Variants in FLNB observed in about 807,000 individuals in gnomAD.
The protein encoded by FLNB is filamin B, also known as filamin-B.
Under a neutral mutation model 250.6 loss-of-function variants are expected in FLNB, and 111 were observed. The observed-to-expected ratio is 0.44, with a 90% CI of 0.38 to 0.52. The LOEUF (loss-of-function observed/expected upper bound fraction) is 0.52, where lower values mean the gene tolerates loss of function less well. Ranked by LOEUF, FLNB falls within the 20% of genes least tolerant of loss-of-function variation. FLNB has a pLI of 0.00. For synonymous variants in FLNB, 1,302 were observed against 1,372.1 expected, an observed-to-expected ratio of 0.95 and a Z score of 1.13; for missense variants, 2,869 against 3,447.8, an observed-to-expected ratio of 0.83 and a Z score of 4.20.
At chr3:58,078,298 T>C (rs1486498692) in intron 2 of FLNB, 1 of 1,432,822 alleles carries the variant, frequency 7.0e-7, no homozygotes, top group African/African-American at 1.4e-5. Flanking sequence ...GCTTTTAAGA[T>C]AATTCTAGGT....
intron 8 of FLNB, 125 bp from the exon 9 acceptor site, chr3:58,102,078 G>A: frequency 1.9e-6 from 2 of 1,040,822 alleles, no homozygotes; most frequent in Non-Finnish European, 2.9e-6. Flanking sequence ...CTGGTCTTGG[G>A]CAACTACTGC....
chr3:58,088,258 G>T (rs1337740095), intron 4 of FLNB, among the ~76,000 whole-genome samples: 1 of 151,992 alleles, frequency 6.6e-6, no homozygotes, highest in Admixed American at 6.6e-5. Context: ...ATGTTGGCCA[G>T]GCTGGTCTCG....
intron 1 of FLNB, among the ~76,000 whole-genome samples, chr3:58,051,950 G>A (rs780974923): frequency 1.3e-5 from 2 of 152,064 alleles, no homozygotes; most frequent in Non-Finnish European, 2.9e-5. Flanking sequence ...GTAATGGCAC[G>A]ATCTCGGCTC....
chr3:58,134,551 G>C, intron 26 of FLNB, 65 bp from the exon 27 acceptor site: 2 of 1,590,500 alleles, frequency 1.3e-6, no homozygotes, highest in Non-Finnish European at 1.7e-6. Context: ...TGTAAGAAAA[G>C]TCAGATGCAG....
At chr3:58,062,822 G>T (rs542242776) in intron 1 of FLNB, among the ~76,000 whole-genome samples, 1 of 152,192 alleles carries the variant, frequency 6.6e-6, no homozygotes, top group African/African-American at 2.4e-5. Flanking sequence ...AGGGCATTCG[G>T]CTCTGAGCAG....
intron 36 of FLNB, 106 bp from the exon 37 acceptor site, chr3:58,149,744 G>T: frequency 7.0e-7 from 1 of 1,438,148 alleles, no homozygotes; most frequent in Non-Finnish European, 9.7e-7. Context: ...TTTCTGCTAT[G>T]TAGAAATAGA....
intron 1 of FLNB, among the ~76,000 whole-genome samples, chr3:58,016,912 T>G (rs1214600928): frequency 1.3e-5 from 2 of 152,240 alleles, no homozygotes; most frequent in Admixed American, 6.5e-5. Flanking sequence ...CTAGAAGCCA[T>G]CTTACATTAC....
At chr3:58,063,338 G>A (rs1241046074) in intron 1 of FLNB, among the ~76,000 whole-genome samples, 1 of 152,210 alleles carries the variant, frequency 6.6e-6, no homozygotes, top group African/African-American at 2.4e-5. Flanking sequence ...CCCGTAAGAA[G>A]GAGGTCGGTC....
At chr3:58,135,220 A>C (rs1403505921) in intron 27 of FLNB, among the ~76,000 whole-genome samples, 1 of 152,206 alleles carries the variant, frequency 6.6e-6, no homozygotes. Context: ...GTTATGCTGC[A>C]TATCACAGTA....
chr3:58,071,274 CTTTT>C (rs57488190), intron 1 of FLNB, among the ~76,000 whole-genome samples: 15 of 81,618 alleles, frequency 1.8e-4, no homozygotes, highest in African/African-American at 8.3e-4. Context: ...CTCCTCGATT[CTTTT>C]TTTTTTTTTT....
intron 1 of FLNB, among the ~76,000 whole-genome samples, chr3:58,042,571 G>A (rs1016355681): frequency 6.6e-6 from 1 of 152,004 alleles, no homozygotes; most frequent in Non-Finnish European, 1.5e-5. Flanking sequence ...CCAGAATGCA[G>A]TAGCACGATC....
chr3:58,040,999 G>A (rs1287578609), intron 1 of FLNB, among the ~76,000 whole-genome samples: 1 of 152,146 alleles, frequency 6.6e-6, no homozygotes, highest in Non-Finnish European at 1.5e-5. Flanking sequence ...GTGAGTGAGT[G>A]CTTACTGTGT....
chr3:58,136,311 CT>C, intron 28 of FLNB, 143 bp downstream of exon 28: 1 of 775,530 alleles, frequency 1.3e-6, no homozygotes, highest in Non-Finnish European at 2.2e-6. Context: ...TAGATTGAAG[CT>C]CTTTGTTTTT....
At chr3:58,141,396 C>T (rs752382810) in intron 29 of FLNB, among the ~76,000 whole-genome samples, 4 of 152,174 alleles carry the variant, frequency 2.6e-5, no homozygotes, top group Non-Finnish European at 4.4e-5. Flanking sequence ...GGGGTCACAC[C>T]GTACATACTG....
chr3:58,056,155 G>A (rs920903801), intron 1 of FLNB, among the ~76,000 whole-genome samples: 1 of 149,278 alleles, frequency 6.7e-6, no homozygotes, highest in African/African-American at 2.5e-5. Flanking sequence ...AGGCTGAAGT[G>A]CAGTGGCATG....
intron 39 of FLNB, among the ~76,000 whole-genome samples, chr3:58,154,042 G>C (rs2097349501): frequency 1.3e-5 from 2 of 152,070 alleles, no homozygotes; most frequent in African/African-American, 2.4e-5. Flanking sequence ...GGAAAAAATG[G>C]AACATTCTCA....
intron 1 of FLNB, among the ~76,000 whole-genome samples, chr3:58,076,024 A>G (rs9881512): frequency 0.26 from 39,186 of 152,046 alleles, 5,987 homozygotes; most frequent in Middle Eastern, 0.4. Flanking sequence ...TTAAGCAAGG[A>G]AAGGACTAGA....
intron 8 of FLNB, among the ~76,000 whole-genome samples, chr3:58,101,943 G>A (rs969185291): frequency 2.6e-5 from 4 of 152,210 alleles, no homozygotes; most frequent in African/African-American, 9.7e-5. Context: ...AGCACAGCAT[G>A]GATTTGCTGT....
chr3:58,081,614 A>G lies in FLNB; in HGVS notation c.640-15A>G. The stretch of plus-strand genomic sequence containing the variant: ...GATGTGTTCTGGGTGTTCATCCACC[A>G]TGTCATTATCCTAGGTCATCACTCC... On this transcript the variant is annotated splice_polypyrimidine_tract_variant and intron_variant, in intron 3 of 45. Coordinates refer to ENST00000295956, the MANE Select transcript of FLNB (RefSeq NM_001457.4). 6.2e-7 allele frequency: 1 copy of G among 1,613,722 alleles called. No homozygotes were observed. The highest frequency in any genetic ancestry group is 2.2e-5 in the East Asian group (1 of 44,890).
Sources: allele counts gnomAD v4.1 joint callset (sites outside exome capture counted in the v4.1 genomes callset), GRCh38; gene constraint gnomAD v4.1.1; transcripts MANE v1.5; gene names NCBI Gene and HGNC (gene_info 2026-07-23, HGNC 2026-07-21).